Variants in ALKAL1 observed in about 807,000 individuals in gnomAD.
The protein encoded by ALKAL1 is AUG-beta.
In ALKAL1, 23 loss-of-function variants were observed where a neutral mutation model predicts 13.5. The ratio of observed to expected loss-of-function variants is 1.70; its 90% CI spans 1.23 to 2.41. The LOEUF (loss-of-function observed/expected upper bound fraction) is 2.41. Among genes scored for constraint, ALKAL1 ranks in the 30% most tolerant of loss-of-function variants. The pLI, the probability that ALKAL1 is intolerant of heterozygous loss-of-function variation, is 0.00. For synonymous variants in ALKAL1, 85 were observed against 77.7 expected, an observed-to-expected ratio of 1.09 and a Z score of -0.49; for missense variants, 181 against 178.4, an observed-to-expected ratio of 1.01 and a Z score of -0.08.
chr8:52,549,898 C>T (rs942932894), intron 1 of ALKAL1, among the ~76,000 whole-genome samples: 3 of 152,058 alleles, frequency 2.0e-5, no homozygotes, highest in East Asian at 1.9e-4. Context: ...GCCCAGGTCA[C>T]GCCACTGCAC....
intron 1 of ALKAL1, among the ~76,000 whole-genome samples, chr8:52,552,247 G>C (rs28395277): frequency 0.012 from 1,793 of 151,906 alleles, 38 homozygotes; most frequent in African/African-American, 0.041. Flanking sequence ...GAGATTACGG[G>C]TGTTAGGGAG....
chr8:52,563,058 T>C (rs930583714), intron 1 of ALKAL1, among the ~76,000 whole-genome samples: 3 of 152,192 alleles, frequency 2.0e-5, no homozygotes, highest in Non-Finnish European at 1.5e-5. Context: ...AAGCAATGGC[T>C]TTAAGGGTGC....
intron 1 of ALKAL1, among the ~76,000 whole-genome samples, chr8:52,557,493 C>A (rs1426388247): frequency 6.6e-6 from 1 of 152,170 alleles, no homozygotes; most frequent in Admixed American, 6.5e-5. Context: ...GAAATAATCA[C>A]CTTTTGGGGT....
At chr8:52,536,073 G>T (rs1230974908) in intron 4 of ALKAL1, among the ~76,000 whole-genome samples, 2 of 152,220 alleles carry the variant, frequency 1.3e-5, no homozygotes, top group African/African-American at 4.8e-5. Context: ...CAAGTAGCTG[G>T]GACTACAGGC....
Position 52,539,812 on chromosome 8 carries a change from A to AAC in ALKAL1, c.325+18_325+19insGT, listed in dbSNP as rs1847295348. The AAC allele has an allele frequency of 6.4e-7, 1 of 1,560,398 alleles. No individual in the cohort carries two copies. Among genetic ancestry groups the AAC allele is most frequent in the South Asian group, 1.2e-5 (1 of 83,980 alleles). ...TTGTTGGATAATTAAAAAAAAAAAA[A>AAC]CCCACCCAAGTTACTTACAAGCTGG... On this transcript the variant is annotated intron_variant, in intron 3 of 4. Coordinates refer to ENST00000358543, the MANE Select transcript of ALKAL1 (RefSeq NM_207413.4).
At position 52,536,022 on chromosome 8, in the gene ALKAL1, T is replaced by G. The variant is rs189241147; in HGVS notation, c.*13-1422A>C. ...GCTGCAATCTCAGCTCACCGTAATC[T>G]CCACCTCTTGGGTTCAAGCGATTCT... On this transcript the variant is annotated intron_variant, in intron 4 of 4. Transcript: ENST00000358543. Among the ~76,000 whole-genome samples, 4 of 152,214 alleles carry G rather than the reference T, an allele frequency of 2.6e-5. No individual in the cohort carries two copies. In the East Asian group the frequency reaches 5.8e-4, roughly 22 times the overall value.
At position 52,549,874 on chromosome 8, in the gene ALKAL1, G is replaced by A. The variant is rs187341437; in HGVS notation, c.191-7429C>T. On this transcript the variant is annotated intron_variant, in intron 1 of 4. Transcript: ENST00000358543. Reference sequence around the variant, plus strand: ...GGAGAATCACTGGAACCAGGGAGGCGGAGGTTGCAGTGAGCCCAGGTCACG... The same window carrying A: ...GGAGAATCACTGGAACCAGGGAGGCAGAGGTTGCAGTGAGCCCAGGTCACG... 5.3e-3 allele frequency among the ~76,000 whole-genome samples: 811 copies of A among 152,202 alleles called. 34 individuals carry two copies. The highest frequency in any genetic ancestry group is 0.049 in the Admixed American group (755 of 15,300).
chr8:52,547,833 T>A (rs1310677886), intron 1 of ALKAL1, among the ~76,000 whole-genome samples: 2 of 152,180 alleles, frequency 1.3e-5, no homozygotes, highest in African/African-American at 4.8e-5. Flanking sequence ...AAAATTAAAA[T>A]TAAAATTAAT....
At chr8:52,544,665 G>C (rs1433976954) in intron 1 of ALKAL1, among the ~76,000 whole-genome samples, 1 of 152,096 alleles carries the variant, frequency 6.6e-6, no homozygotes, top group Non-Finnish European at 1.5e-5. Flanking sequence ...AGCAAGTCTA[G>C]AGGTCTAATG....
At chr8:52,542,830 C>A (rs1192807240) in intron 1 of ALKAL1, among the ~76,000 whole-genome samples, 1 of 152,246 alleles carries the variant, frequency 6.6e-6, no homozygotes, top group African/African-American at 2.4e-5. Context: ...CTCACCCCTA[C>A]ACCCAAACCA....
At chr8:52,540,949 A>G (rs1847306886) in intron 2 of ALKAL1, among the ~76,000 whole-genome samples, 1 of 152,146 alleles carries the variant, frequency 6.6e-6, no homozygotes, top group African/African-American at 2.4e-5. Flanking sequence ...GACTTGACTA[A>G]GTGGGCAAAC....
chr8:52,557,084 GTT>G (rs1847492152), intron 1 of ALKAL1, among the ~76,000 whole-genome samples: 1 of 152,170 alleles, frequency 6.6e-6, no homozygotes, highest in African/African-American at 2.4e-5. Flanking sequence ...CGTGTAACTT[GTT>G]GTTTTTCCTT....
chr8:52,564,374 G>A (rs1291679547), intron 1 of ALKAL1, among the ~76,000 whole-genome samples: 1 of 152,120 alleles, frequency 6.6e-6, no homozygotes, highest in African/African-American at 2.4e-5. Context: ...CCTTTTCCAG[G>A]GGCTTTTCCG....
intron 1 of ALKAL1, among the ~76,000 whole-genome samples, chr8:52,560,254 T>G (rs1847534002): frequency 6.6e-6 from 1 of 152,202 alleles, no homozygotes; most frequent in Admixed American, 6.5e-5. Context: ...TGTAAAAGAC[T>G]ACACATCTTT....
chr8:52,562,821 G>A (rs1436839596), intron 1 of ALKAL1, among the ~76,000 whole-genome samples: 7 of 152,118 alleles, frequency 4.6e-5, no homozygotes, highest in African/African-American at 7.2e-5. Context: ...CCGGACCTGC[G>A]AGATATTTTC....
chr8:52,544,347 C>T (rs771595729), intron 1 of ALKAL1, among the ~76,000 whole-genome samples: 3 of 152,038 alleles, frequency 2.0e-5, no homozygotes, highest in Admixed American at 6.6e-5. Flanking sequence ...TAAGTTGACA[C>T]CCGAAGTAAC....
At chr8:52,545,226 A>C in intron 1 of ALKAL1, among the ~76,000 whole-genome samples, 1 of 152,344 alleles carries the variant, frequency 6.6e-6, no homozygotes, top group African/African-American at 2.4e-5. Context: ...TTCCTAAATA[A>C]GATAGTTACA....
At chr8:52,548,898 T>C (rs1265617612) in intron 1 of ALKAL1, among the ~76,000 whole-genome samples, 2 of 152,126 alleles carry the variant, frequency 1.3e-5, no homozygotes, top group African/African-American at 4.8e-5. Flanking sequence ...CATATATATG[T>C]TGGCATACTA....
intron 1 of ALKAL1, among the ~76,000 whole-genome samples, chr8:52,544,996 G>C (rs1590866469): frequency 6.6e-6 from 1 of 152,066 alleles, no homozygotes; most frequent in East Asian, 1.9e-4. Context: ...GCTCACTGAA[G>C]CCTCCACCAC....
Sources: gnomAD v4.1 joint callset for allele counts (sites outside exome capture counted in the v4.1 genomes callset) on GRCh38, gnomAD v4.1.1 for gene constraint, MANE v1.5 for transcripts, NCBI Gene and HGNC (gene_info 2026-07-23, HGNC 2026-07-21) for gene names.